The following PDE4A variants were observed in gnomAD, a reference collection of about 807,000 sequenced individuals.
PDE4A encodes phosphodiesterase 4A, also known as 3',5'-cyclic-AMP phosphodiesterase 4A.
In PDE4A, 21 loss-of-function variants were observed where a neutral mutation model predicts 73.9. The ratio of observed to expected loss-of-function variants is 0.28; its 90% CI spans 0.20 to 0.41. The LOEUF (loss-of-function observed/expected upper bound fraction) is 0.41, where lower values mean the gene tolerates loss of function less well. PDE4A is among the 10% of genes least tolerant of loss of function. The probability of loss-of-function intolerance (pLI) is 1.00; values close to 1 mark genes in which losing one functional copy is unlikely to be tolerated. For missense variants in PDE4A, 958 were observed against 1,211.4 expected, an observed-to-expected ratio of 0.79 and a Z score of 3.10; for synonymous variants, 463 against 505.4, an observed-to-expected ratio of 0.92 and a Z score of 1.13.
At chr19:10,456,464 T>G (rs2043171281) in intron 7 of PDE4A, among the ~76,000 whole-genome samples, 1 of 151,734 alleles carries the variant, frequency 6.6e-6, no homozygotes, top group African/African-American at 2.4e-5. Context: ...AGATGGAGGT[T>G]GCAGTGAGCT....
rs200436049 is a variant in PDE4A, at chr19:10,464,023, G to A, written c.1926+48G>A. 4 of 1,607,578 alleles carry A rather than the reference G, an allele frequency of 2.5e-6. No individual in the cohort carries two copies. In the African/African-American group the frequency reaches 4.0e-5, roughly 16 times the overall value. Reference sequence around the variant, plus strand: ...GACGGGCACAGGGTGAGTCTCCCCAGCCCATCTTGGCCTGAAGTTCTGAGG... The same window carrying A: ...GACGGGCACAGGGTGAGTCTCCCCAACCCATCTTGGCCTGAAGTTCTGAGG... On this transcript the variant is annotated intron_variant, in intron 14 of 14. Transcript: ENST00000380702.
At chr19:10,432,414 C>G (rs1022579133) in intron 1 of PDE4A, 4 of 1,397,500 alleles carry the variant, frequency 2.9e-6, no homozygotes, top group Non-Finnish European at 2.8e-6. Context: ...ATGCGCGCCC[C>G]GACGACGGCG....
Position 10,462,003 on chromosome 19 carries a change from C to A in PDE4A, c.1743+4C>A. 4 of 1,609,754 alleles carry A rather than the reference C, an allele frequency of 2.5e-6. No individual in the cohort carries two copies. Among genetic ancestry groups the A allele is most frequent in the Non-Finnish European group, 3.4e-6 (4 of 1,177,432 alleles). ...TAACTACTCCGACCGCATCCAGGTG[C>A]CCCCACGCCCCATCATCTAAGGAGG... is the stretch of plus-strand genomic sequence containing the variant. On this transcript the variant is annotated splice_donor_region_variant and intron_variant, in intron 13 of 14. Coordinates refer to ENST00000380702, the MANE Select transcript of PDE4A (RefSeq NM_001111307.2).
intron 1 of PDE4A, among the ~76,000 whole-genome samples, chr19:10,442,946 T>G (rs79350548): frequency 1.6e-4 from 24 of 151,738 alleles, no homozygotes; most frequent in African/African-American, 5.5e-4. Flanking sequence ...ATATTGCATA[T>G]GCATGTGTAT....
At chr19:10,435,169 C>A (rs2042848351) in intron 1 of PDE4A, among the ~76,000 whole-genome samples, 1 of 152,080 alleles carries the variant, frequency 6.6e-6, no homozygotes, top group Non-Finnish European at 1.5e-5. Flanking sequence ...CCTCAACAAG[C>A]CCAATTTCAT....
At chr19:10,429,583 C>T (rs2042762033) in intron 1 of PDE4A, among the ~76,000 whole-genome samples, 1 of 152,180 alleles carries the variant, frequency 6.6e-6, no homozygotes, top group Non-Finnish European at 1.5e-5. Context: ...AGTGATCCGC[C>T]CACCTTCACC....
intron 1 of PDE4A, among the ~76,000 whole-genome samples, chr19:10,439,023 C>A (rs1163645411): frequency 1.3e-5 from 2 of 152,194 alleles, no homozygotes; most frequent in Non-Finnish European, 2.9e-5. Context: ...TCAGTCACTT[C>A]TACCTTTTGG....
At chr19:10,447,446 CG>C (rs938189306) in intron 2 of PDE4A, among the ~76,000 whole-genome samples, 44 of 148,940 alleles carry the variant, frequency 3.0e-4, no homozygotes, top group African/African-American at 1.1e-3. Flanking sequence ...AGGATGGTCT[CG>C]ATCTCCTGAC....
At chr19:10,448,630 T>C (rs1407967152) in intron 2 of PDE4A, among the ~76,000 whole-genome samples, 1 of 150,024 alleles carries the variant, frequency 6.7e-6, no homozygotes, top group Non-Finnish European at 1.5e-5. Context: ...AGTGAGACTC[T>C]GTCTAAAAAA....
chr19:10,450,681 G>T lies in PDE4A; in HGVS notation c.670+29G>T, dbSNP rs372121611. The stretch of plus-strand genomic sequence containing the variant: ...GCTAAGCCCAGAGGGGTGGGAAGGG[G>T]CCCCCCTTGCTGCCCCAGTGGGGGT... On this transcript the variant is annotated intron_variant, in intron 5 of 14. Transcript: ENST00000380702. 67 of 1,596,390 alleles carry T rather than the reference G, an allele frequency of 4.2e-5. 1 individual carries two copies. In the Admixed American group the frequency reaches 7.7e-4, roughly 18 times the overall value.
At position 10,467,068 on chromosome 19, in the gene PDE4A, T is replaced by C. The variant is rs778011430; in HGVS notation, c.2108T>C (p.Leu703Pro). The change falls in exon 15 of 15, where the codon CTG (leucine) becomes CCG (proline). Residue 703 changes from leucine to proline, a missense_variant. Physicochemically the swap from Leu to Pro is moderately conservative, Grantham distance 98. Transcript: ENST00000380702. ...TCAAGGGGGCCAGGCCACCCACCCC[T>C]GCCTGACAAGTTCCAGTTTGAGCTG... is the stretch of plus-strand genomic sequence containing the variant. ...EESRGPGHPPLPDKFQFELTL... is the reference protein window; with the variant it reads ...EESRGPGHPPPPDKFQFELTL... The C allele has an allele frequency of 6.2e-6, 10 of 1,614,004 alleles. No individual in the cohort carries two copies. Among genetic ancestry groups the C allele is most frequent in the Non-Finnish European group, 8.5e-6 (10 of 1,180,024 alleles).
At chr19:10,421,532 G>A (rs2042651532) in intron 1 of PDE4A, among the ~76,000 whole-genome samples, 1 of 152,128 alleles carries the variant, frequency 6.6e-6, no homozygotes. Flanking sequence ...TCAGGGTGGG[G>A]TGCTCTCAGG....
Position 10,461,096 on chromosome 19 carries a change from C to G in PDE4A, c.1458C>G (p.Ile486Met). The G allele has an allele frequency of 6.2e-7, 1 of 1,612,226 alleles. No individual in the cohort carries two copies. The change falls in exon 11 of 15, where the codon ATC (isoleucine) becomes ATG (methionine). Residue 486 changes from isoleucine to methionine, a missense_variant. By Grantham distance (10) the Ile-to-Met change is conservative. This residue lies in a region of PDE4A where 570 missense variants were observed against 827.7 expected (regional missense o/e 0.69). Transcript: ENST00000380702. ...CTGGGGTCTCCAACCAGTTCCTCAT[C>G]AACACCAGTGAGTGGCCCTCGCCAG... ...DHPGVSNQFL[I>M]NTNSELALMY...
chr19:10,417,621 A>T, upstream of PDE4A: 1 of 1,546,536 alleles, frequency 6.5e-7, no homozygotes, highest in Non-Finnish European at 8.7e-7. Flanking sequence ...AGAGCTTCCC[A>T]GCCAGGCCAC....
At chr19:10,417,905 AG>A (rs1357036005), upstream of PDE4A, 1 of 1,528,258 alleles carries the variant, frequency 6.5e-7, no homozygotes, top group Non-Finnish European at 8.8e-7. Context: ...TGGGTTGGGG[AG>A]GCACAGTGCC....
chr19:10,432,918 G>T (rs2042814413), intron 1 of PDE4A, among the ~76,000 whole-genome samples: 2 of 152,152 alleles, frequency 1.3e-5, no homozygotes, highest in South Asian at 4.1e-4. Context: ...CCTAGAACCA[G>T]ATCCCTAAGT....
At chr19:10,423,996 A>T (rs746221613) in intron 1 of PDE4A, among the ~76,000 whole-genome samples, 1 of 152,238 alleles carries the variant, frequency 6.6e-6, no homozygotes, top group Non-Finnish European at 1.5e-5. Context: ...ACCAGGGCAC[A>T]TACAGGATTC....
At position 10,467,667 on chromosome 19, in the gene PDE4A, C is replaced by T. The variant is rs1437657113; in HGVS notation, c.*46C>T. On this transcript the variant is annotated 3_prime_UTR_variant, in exon 15 of 15. Coordinates refer to ENST00000380702, the MANE Select transcript of PDE4A (RefSeq NM_001111307.2). ...TTCCCCTCCACTCCTCCCCTCACTC[C>T]CCTGCTCCCCCGACCACCTCCTCCT... 1 of 1,410,392 alleles carries T rather than the reference C, an allele frequency of 7.1e-7. No individual in the cohort carries two copies. The highest frequency in any genetic ancestry group is 1.4e-5 in the African/African-American group (1 of 69,720). 87.4% of individuals were successfully genotyped at this position (1,410,392 alleles called of 1,614,324 possible). A position where few individuals can be genotyped will look rare whatever the true frequency, so the allele number is the denominator to read the frequency against.
upstream of PDE4A, chr19:10,420,434 G>A (rs2042633211): frequency 1.1e-6 from 1 of 938,878 alleles, no homozygotes; most frequent in Non-Finnish European, 1.3e-6. This position sits in a 1 kb window ranked among gnomAD's most constrained non-coding sequence, Gnocchi z 6.0. Context: ...GAGGGGGGCG[G>A]CGCTGACAGC....
Sources: gnomAD v4.1 joint callset for allele counts (sites outside exome capture counted in the v4.1 genomes callset) on GRCh38, gnomAD v4.1.1 for gene constraint, gnomAD v4.1.1 regional missense constraint, Gnocchi (gnomAD v3.1) non-coding constraint, MANE v1.5 for transcripts, NCBI Gene and HGNC (gene_info 2026-07-23, HGNC 2026-07-21) for gene names.